Variants in COPB2 observed in about 807,000 individuals in gnomAD.
The protein encoded by COPB2 is coat protein complex I subunit beta 2, also known as coatomer subunit beta'.
A neutral mutation model predicts 120.8 loss-of-function variants in COPB2; 16 were observed. That is an observed-to-expected ratio of 0.13 (90% CI 0.09 to 0.20). The LOEUF (loss-of-function observed/expected upper bound fraction) is 0.20. COPB2 is among the 10% of genes least tolerant of loss of function. The pLI, the probability that COPB2 is intolerant of heterozygous loss-of-function variation, is 1.00. For synonymous variants in COPB2, 332 were observed against 366.3 expected (o/e 0.91, Z 1.07); for missense variants, 794 against 1,076.5 (o/e 0.74, Z 3.67).
chr3:139,379,533 T>C, intron 2 of COPB2, 67 bp from the exon 3 acceptor site: 2 of 1,258,500 alleles, frequency 1.6e-6, no homozygotes, highest in Non-Finnish European at 2.3e-6. Flanking sequence ...TACTCTGTTA[T>C]ATTTCAAACA....
In COPB2 at chr3:139,361,128, T is replaced by C. The variant is rs113529756; in HGVS notation, c.2163A>G (p.Arg721=). 7.4e-6 allele frequency: 12 copies of C among 1,614,198 alleles called. No homozygotes were observed. In the African/African-American group the frequency reaches 8.0e-5, roughly 11 times the overall value. The change falls in exon 17 of 22, where the codon AGA becomes AGG. Residue 721 remains arginine (R), a synonymous_variant. Coordinates refer to ENST00000333188, the MANE Select transcript of COPB2 (RefSeq NM_004766.3). ...MVNKLAEGAE[R]DGKNNVAFMS... Reference sequence around the variant, plus strand: ...TGAATGCCACATTATTTTTGCCATCTCTCTCCGCACCCTCTGCTAGCTTGT... The same window carrying C: ...TGAATGCCACATTATTTTTGCCATCCCTCTCCGCACCCTCTGCTAGCTTGT...
chr3:139,387,841 C>T (rs1006698947), intron 1 of COPB2, among the ~76,000 whole-genome samples: 2 of 152,140 alleles, frequency 1.3e-5, no homozygotes, highest in African/African-American at 4.8e-5. Flanking sequence ...CCTCTTAGTG[C>T]TGTAAGAATT....
chr3:139,378,279 C>T lies in COPB2; in HGVS notation c.356-90G>A, dbSNP rs1482773128. 7 of 1,224,408 alleles carry T rather than the reference C, an allele frequency of 5.7e-6. No individual in the cohort carries two copies. In the Admixed American group the frequency reaches 1.6e-4, roughly 28 times the overall value. The allele number at this position is 1,224,408 out of a possible 1,614,324, so 75.8% of individuals were successfully genotyped here. ...GTCTTTAGAAGAAGCAAACCTAACACAAACCATATAATCCATGACTTACAG... is the reference window on the plus strand; with the variant it reads ...GTCTTTAGAAGAAGCAAACCTAACATAAACCATATAATCCATGACTTACAG... On this transcript the variant is annotated intron_variant, in intron 4 of 21. Transcript: ENST00000333188.
intron 15 of COPB2, 25 bp downstream of exon 15, chr3:139,366,543 A>T (rs1187103363): frequency 6.4e-7 from 1 of 1,561,452 alleles, no homozygotes; most frequent in Non-Finnish European, 8.7e-7. Flanking sequence ...TTAAAAAACA[A>T]AAAGAAAAAA....
rs574979938 is a variant in COPB2, at chr3:139,362,126, ATCTTT to A, written c.1995+276_1995+280del. Among the ~76,000 whole-genome samples the A allele has an allele frequency of 1.1e-3, 161 of 152,346 alleles. 1 individual carries two copies. The highest frequency in any genetic ancestry group is 3.8e-3 in the African/African-American group (158 of 41,570). ...CAGACTAGTTTACATACTATTTTAC[ATCTTT>A]TCTTATCTTGCAAAATAGAGCTCAC... On this transcript the variant is annotated intron_variant, in intron 16 of 21. Transcript: ENST00000333188.
intron 6 of COPB2, among the ~76,000 whole-genome samples, chr3:139,374,948 T>C (rs1187154735): frequency 6.6e-6 from 1 of 152,252 alleles, no homozygotes; most frequent in Non-Finnish European, 1.5e-5. Context: ...TTAATATTTT[T>C]ATTCTGGATT....
Position 139,371,743 on chromosome 3 carries a change from T to A in COPB2, c.1185A>T (p.Ala395=). The A allele has an allele frequency of 6.2e-7, 1 of 1,613,874 alleles. No homozygotes were observed. ...CTTACTCTGAAGAATCGTGGGCCCA[T>A]GCAAACTCCTGAGCAGATCCAAAGC... is the stretch of plus-strand genomic sequence containing the variant. ...NKSFGSAQEF[A]WAHDSSEYAI... The change falls in exon 10 of 22, where the codon GCA becomes GCT. Residue 395 remains alanine, a synonymous_variant. Transcript: ENST00000333188.
Position 139,378,180 on chromosome 3 carries a change from A to C in COPB2, c.365T>G (p.Leu122Arg). The C allele has an allele frequency of 6.4e-7, 1 of 1,568,072 alleles. No homozygotes were observed. The highest frequency in any genetic ancestry group is 8.7e-7 in the Non-Finnish European group (1 of 1,146,274). ...PFILTSSDDM[L>R]IKLWDWDKKW... The stretch of plus-strand genomic sequence containing the variant: ...TTTATCCCAGTCCCAGAGCTTAATA[A>C]GCATGTCATCTAGGCCAAAAGAAAG... The change falls in exon 5 of 22, where the codon CTT (leucine) becomes CGT (arginine). Residue 122 changes from leucine to arginine, a missense_variant. Leu to Arg is a moderately radical substitution (Grantham distance 102). Around this residue, in one of 3 missense-constraint regions of COPB2, gnomAD observed 610 missense variants for 866.7 expected, o/e 0.70. Coordinates refer to ENST00000333188, the MANE Select transcript of COPB2 (RefSeq NM_004766.3).
intron 16 of COPB2, 56 bp downstream of exon 16, chr3:139,362,351 T>C (rs543211057): frequency 4.1e-5 from 51 of 1,247,940 alleles, no homozygotes; most frequent in African/African-American, 3.4e-4. Flanking sequence ...ACCAAACACA[T>C]AGAAGTACCT....
chr3:139,371,686 A>G (rs1941626075), intron 10 of COPB2, 37 bp downstream of exon 10: 1 of 1,551,334 alleles, frequency 6.4e-7, no homozygotes, highest in African/African-American at 1.4e-5. Context: ...CACATCTGCA[A>G]TCAGGGCATG....
chr3:139,358,347 G>T, intron 20 of COPB2, 76 bp from the exon 21 acceptor site: 2 of 1,317,566 alleles, frequency 1.5e-6, no homozygotes, highest in Non-Finnish European at 2.2e-6. Context: ...CCAAGAAAAG[G>T]ATGATCAGAA....
intron 16 of COPB2, among the ~76,000 whole-genome samples, chr3:139,361,615 T>A (rs1343089470): frequency 6.6e-6 from 1 of 152,162 alleles, no homozygotes; most frequent in East Asian, 1.9e-4. Flanking sequence ...CTGCAATTAT[T>A]TTAACAAGTG....
intron 12 of COPB2, 141 bp downstream of exon 12, chr3:139,369,120 C>A: frequency 1.8e-6 from 1 of 556,582 alleles, no homozygotes. Flanking sequence ...TATTTAAATT[C>A]TAAGTGCTGT....
rs377328617 is a variant in COPB2, at chr3:139,372,780, G to A, written c.1094+433C>T. 5.9e-5 allele frequency among the ~76,000 whole-genome samples: 9 copies of A among 152,260 alleles called. No individual in the cohort carries two copies. In the East Asian group the frequency reaches 1.4e-3, roughly 23 times the overall value. ...CAGTTCGAATTACAAATAAGAAACA[G>A]AATTATTATCAATCCCAAAACTTTT... On this transcript the variant is annotated intron_variant, in intron 9 of 21. Transcript: ENST00000333188.
chr3:139,375,957 T>C (rs1349669070), intron 5 of COPB2, among the ~76,000 whole-genome samples: 1 of 152,150 alleles, frequency 6.6e-6, no homozygotes. Flanking sequence ...TAGTAAGATA[T>C]ATTAAAAGTT....
intron 13 of COPB2, 118 bp from the exon 14 acceptor site, chr3:139,367,263 T>C: frequency 8.7e-7 from 1 of 1,153,422 alleles, no homozygotes; most frequent in East Asian, 2.6e-5. Flanking sequence ...AAATCCTTCC[T>C]ATTTCTAGAA....
chr3:139,387,963 T>C (rs193015792), intron 1 of COPB2, among the ~76,000 whole-genome samples: 100 of 152,334 alleles, frequency 6.6e-4, no homozygotes, highest in African/African-American at 2.3e-3. Flanking sequence ...TTTAGCAAAG[T>C]GCATGGCAGA....
At chr3:139,389,649 G>T, upstream of COPB2, 1 of 1,254,668 alleles carries the variant, frequency 8.0e-7, no homozygotes, top group South Asian at 1.5e-5. Context: ...TGACTGACGT[G>T]GAACTTCCGG....
intron 5 of COPB2, among the ~76,000 whole-genome samples, chr3:139,376,377 T>C (rs1941713196): frequency 6.6e-6 from 1 of 152,210 alleles, no homozygotes; most frequent in Admixed American, 6.5e-5. Flanking sequence ...AGCTTTATCT[T>C]TACAAATATT....
Sources: gnomAD v4.1 joint callset for allele counts (sites outside exome capture counted in the v4.1 genomes callset) on GRCh38, gnomAD v4.1.1 for gene constraint, gnomAD v4.1.1 regional missense constraint, MANE v1.5 for transcripts, NCBI Gene and HGNC (gene_info 2026-07-23, HGNC 2026-07-21) for gene names.